Variants in SYNJ2 observed in about 807,000 individuals in gnomAD.
SYNJ2 encodes the protein synaptojanin 2, also known as polyphosphatidylinositol phosphatase SYNJ2.
SYNJ2 carries 116 observed loss-of-function variants against 141.3 expected under a neutral mutation model. The ratio of observed to expected loss-of-function variants is 0.82; its 90% confidence interval spans 0.71 to 0.96. The LOEUF is 0.96. Ranked by LOEUF, SYNJ2 falls within the 40% of genes least tolerant of loss-of-function variation. The pLI is 0.00. For missense variants in SYNJ2, 1,873 were observed against 1,934.8 expected, an observed-to-expected ratio of 0.97 and a Z score of 0.60; for synonymous variants, 745 against 777.7, an observed-to-expected ratio of 0.96 and a Z score of 0.70.
chr6:158,033,274 G>T (rs1031554870), intron 3 of SYNJ2, among the ~76,000 whole-genome samples, 181 bp from the exon 4 acceptor site: 1 of 152,186 alleles, frequency 6.6e-6, no homozygotes, highest in Non-Finnish European at 1.5e-5. Context: ...TCTCTTTGAA[G>T]CACATGAACT....
chr6:158,066,464 G>T lies in SYNJ2; in HGVS notation c.1546G>T (p.Ala516Ser). Residue 516 changes from alanine (A) to serine (S), a missense_variant, in exon 12 of 27, where the codon GCT becomes TCT. Ala to Ser is a moderately conservative substitution (Grantham distance 99, BLOSUM62 1). Transcript: ENST00000355585. ...GACAGTGACTCCCAGGATCCTGAAA[G>T]CTATGACTGAGCGTCAGTCCGAATT... The part of the protein sequence containing the change: ...ALLVTPRILK[A>S]MTERQSEFTN... 6.2e-7 allele frequency: 1 copy of T among 1,614,198 alleles called. No homozygotes were observed. The highest frequency in any genetic ancestry group is 8.5e-7 in the Non-Finnish European group (1 of 1,180,046).
At chr6:158,019,364 A>T (rs1291893578) in intron 2 of SYNJ2, among the ~76,000 whole-genome samples, 1 of 152,224 alleles carries the variant, frequency 6.6e-6, no homozygotes, top group Non-Finnish European at 1.5e-5. Flanking sequence ...CTGGGCTCAC[A>T]AGGGGGACAG....
At position 158,043,405 on chromosome 6, in the gene SYNJ2, T is replaced by C; in HGVS notation, c.795+6T>C. The C allele has an allele frequency of 6.2e-7, 1 of 1,613,068 alleles. No individual in the cohort carries two copies. The highest frequency in any genetic ancestry group is 8.5e-7 in the Non-Finnish European group (1 of 1,179,176). On this transcript the variant is annotated splice_donor_region_variant and intron_variant, in intron 5 of 26. Coordinates refer to ENST00000355585, the MANE Select transcript of SYNJ2 (RefSeq NM_003898.4). This position sits in a 1 kb window ranked among gnomAD's most constrained non-coding sequence, Gnocchi z 4.0. ...GGGAACAGCCAGGGCTTCAGGTAGGTCATGAAAAAACTTAAATGTCCCCTT... is the reference window on the plus strand; with the variant it reads ...GGGAACAGCCAGGGCTTCAGGTAGGCCATGAAAAAACTTAAATGTCCCCTT...
Position 158,071,415 on chromosome 6 carries a change from C to T in SYNJ2, c.1941-187C>T, listed in dbSNP as rs1407615174. ...GGGGAGATGTCCAGGCAGCGGTGGG[C>T]AGCAGGAGGGAGGCGGCCTCCTGAC... On this transcript the variant is annotated intron_variant, in intron 14 of 26. Transcript: ENST00000355585. This position sits in a 1 kb window ranked among gnomAD's most constrained non-coding sequence, Gnocchi z 4.3. 1.3e-5 allele frequency among the ~76,000 whole-genome samples: 2 copies of T among 152,004 alleles called. No individual in the cohort carries two copies. Among genetic ancestry groups the T allele is most frequent in the Non-Finnish European group, 2.9e-5 (2 of 68,008 alleles).
In SYNJ2 at chr6:158,057,924, C is replaced by T. The variant is rs1017397287; in HGVS notation, c.858-1333C>T. On this transcript the variant is annotated intron_variant, in intron 6 of 26. Transcript: ENST00000355585. ...GGAGCTGCACGTGGAGACGGGAGCC[C>T]GGGAGGGTGCTCACCCTTAACTTAG... 2.6e-5 allele frequency among the ~76,000 whole-genome samples: 4 copies of T among 152,320 alleles called. No homozygotes were observed. The East Asian group carries it at 7.7e-4, about 29-fold the overall frequency.
chr6:158,059,559 T>G, intron 7 of SYNJ2: 3 of 753,198 alleles, frequency 4.0e-6, no homozygotes, highest in African/African-American at 1.8e-5. Flanking sequence ...TTCTTTTCTT[T>G]TTTTTTTTTT....
At chr6:158,032,474 A>G (rs1779418093) in intron 3 of SYNJ2, among the ~76,000 whole-genome samples, 1 of 152,156 alleles carries the variant, frequency 6.6e-6, no homozygotes, top group Non-Finnish European at 1.5e-5. Context: ...GGATGGTACC[A>G]CTCAGGTCCC....
intron 5 of SYNJ2, among the ~76,000 whole-genome samples, chr6:158,053,384 G>C (rs1780674301): frequency 6.6e-6 from 1 of 152,148 alleles, no homozygotes; most frequent in South Asian, 2.1e-4. Context: ...ATCATCAACA[G>C]ATAATTTTTG....
chr6:157,992,322 C>T (rs2128315760), intron 1 of SYNJ2, among the ~76,000 whole-genome samples: 1 of 151,748 alleles, frequency 6.6e-6, no homozygotes, highest in East Asian at 1.9e-4. Context: ...TCTCTATGTC[C>T]ATGAATTCAA....
intron 1 of SYNJ2, among the ~76,000 whole-genome samples, chr6:158,011,946 T>C (rs9295277): frequency 0.66 from 100,864 of 151,950 alleles, 33,863 homozygotes; most frequent in Middle Eastern, 0.77. Context: ...CATTTATCAG[T>C]TTATCTACTG....
intron 6 of SYNJ2, among the ~76,000 whole-genome samples, chr6:158,055,686 A>G (rs1454813500): frequency 1.3e-5 from 2 of 152,352 alleles, no homozygotes; most frequent in East Asian, 1.9e-4. Context: ...AAATTGTCTT[A>G]GTGAATATAG....
rs374760080 is a variant in SYNJ2 at position 158,026,993 on chromosome 6, G to A, written c.215-1763G>A. 4 of 985,432 alleles carry A rather than the reference G, an allele frequency of 4.1e-6. No homozygotes were observed. The African/African-American group carries it at 7.0e-5, about 17-fold the overall frequency. 61.0% of individuals were successfully genotyped at this position (985,432 alleles called of 1,614,324 possible). A position where few individuals can be genotyped will look rare whatever the true frequency, so the allele number is the denominator to read the frequency against. ...TTAGGTGGTTTTGAGGTGGTTTCCT[G>A]AGGATGTGTCTGGGGAGATGTGATG... On this transcript the variant is annotated intron_variant, in intron 2 of 26. Coordinates refer to ENST00000355585, the MANE Select transcript of SYNJ2 (RefSeq NM_003898.4).
At chr6:158,053,112 A>G (rs577717729) in intron 5 of SYNJ2, among the ~76,000 whole-genome samples, 15 of 152,312 alleles carry the variant, frequency 9.8e-5, no homozygotes, top group African/African-American at 3.1e-4. Flanking sequence ...GTGTTTCATT[A>G]TAATCACATT....
intron 26 of SYNJ2, chr6:158,093,875 A>G (rs780855687): frequency 5.2e-6 from 4 of 764,596 alleles, no homozygotes; most frequent in South Asian, 4.0e-5. Flanking sequence ...TTTTCTTGCC[A>G]CTTTTCTTGC....
chr6:158,050,424 C>T (rs905845343), intron 5 of SYNJ2, among the ~76,000 whole-genome samples: 3 of 152,194 alleles, frequency 2.0e-5, no homozygotes, highest in African/African-American at 2.4e-5. Context: ...GTCATTCACC[C>T]GGGGGTGGTG....
At chr6:157,989,276 CT>C (rs1562307918) in intron 1 of SYNJ2, among the ~76,000 whole-genome samples, 1 of 151,868 alleles carries the variant, frequency 6.6e-6, no homozygotes, top group Non-Finnish European at 1.5e-5. Flanking sequence ...TTACTTCATC[CT>C]TATGTCAAGG....
intron 12 of SYNJ2, among the ~76,000 whole-genome samples, chr6:158,067,225 G>T (rs1442598206): frequency 1.3e-5 from 2 of 152,170 alleles, no homozygotes; most frequent in Non-Finnish European, 2.9e-5. Context: ...TGCCATGTTG[G>T]CCAGGCTGGT....
At chr6:157,992,217 C>T (rs1777466934) in intron 1 of SYNJ2, among the ~76,000 whole-genome samples, 1 of 151,938 alleles carries the variant, frequency 6.6e-6, no homozygotes, top group South Asian at 2.1e-4. Flanking sequence ...TTATTCATTC[C>T]TTTTATTTTT....
At chr6:157,986,989 A>G (rs1398191011) in intron 1 of SYNJ2, among the ~76,000 whole-genome samples, 2 of 151,816 alleles carry the variant, frequency 1.3e-5, no homozygotes, top group Non-Finnish European at 2.9e-5. Flanking sequence ...AAATTGACAA[A>G]TTATTATCGT....
Sources: allele counts gnomAD v4.1 joint callset (sites outside exome capture counted in the v4.1 genomes callset), GRCh38; gene constraint gnomAD v4.1.1; non-coding constraint Gnocchi (gnomAD v3.1); transcripts MANE v1.5; gene names NCBI Gene and HGNC (gene_info 2026-07-23, HGNC 2026-07-21).